TRIM14: variants seen among roughly 807,000 people sequenced by gnomAD.
TRIM14 encodes the protein tripartite motif containing 14, also known as tripartite motif-containing protein 14.
TRIM14 carries 28 observed loss-of-function variants against 44.5 expected under a neutral mutation model. The observed-to-expected ratio is 0.63, with a 90% CI of 0.47 to 0.86. The LOEUF (loss-of-function observed/expected upper bound fraction) is 0.86. Ranked by LOEUF, TRIM14 falls within the 40% of genes least tolerant of loss-of-function variation. The probability of loss-of-function intolerance (pLI) is 0.00; values close to 1 mark genes in which losing one functional copy is unlikely to be tolerated. For missense variants in TRIM14, 607 were observed against 611.1 expected, an observed-to-expected ratio of 0.99 and a Z score of 0.07; for synonymous variants, 299 against 269.2, an observed-to-expected ratio of 1.11 and a Z score of -1.08.
At chr9:98,056,709 G>A in the TRIM14 span, 3 of 1,471,276 alleles carry the variant, frequency 2.0e-6, no homozygotes, top group East Asian at 2.8e-5. Flanking sequence ...CGGGGCTGGC[G>A]TGTGGGTCTC....
chr9:98,080,780 G>A (rs756634854), downstream of TRIM14: 4 of 1,540,958 alleles, frequency 2.6e-6, no homozygotes, highest in African/African-American at 5.5e-5. Context: ...AAAGCAGCAT[G>A]ATATTTAATG....
chr9:98,054,174 A>G, the TRIM14 span, among the ~76,000 whole-genome samples: 3 of 152,126 alleles, frequency 2.0e-5, no homozygotes, highest in South Asian at 6.2e-4. Flanking sequence ...GACCATACTT[A>G]CAGAGGGTTT....
At chr9:98,062,468 T>C in the TRIM14 span, among the ~76,000 whole-genome samples, 704 of 152,262 alleles carry the variant, frequency 4.6e-3, 3 homozygotes, top group African/African-American at 0.016. Context: ...AAAAAAATTT[T>C]ACTTGTAAAA....
chr9:98,105,878 C>A (rs150272964), intron 2 of TRIM14, among the ~76,000 whole-genome samples: 55 of 152,304 alleles, frequency 3.6e-4, no homozygotes, highest in African/African-American at 1.2e-3. Flanking sequence ...CACCCCCGGG[C>A]CCAGGGAAAA....
the TRIM14 span, among the ~76,000 whole-genome samples, chr9:98,046,456 TC>T: frequency 2.9e-3 from 449 of 152,212 alleles, no homozygotes; most frequent in Non-Finnish European, 5.0e-3. Context: ...GTTTTTTTTT[TC>T]AGAGATGGAG....
the TRIM14 span, among the ~76,000 whole-genome samples, chr9:98,046,100 TTTTG>T: frequency 6.6e-6 from 1 of 152,110 alleles, no homozygotes; most frequent in African/African-American, 2.4e-5. Context: ...TCACAGGGAT[TTTTG>T]TTTTTCACCC....
chr9:98,103,117 G>A (rs921022455), intron 2 of TRIM14, among the ~76,000 whole-genome samples: 3 of 151,950 alleles, frequency 2.0e-5, no homozygotes, highest in South Asian at 2.1e-4. Context: ...CCCAGGAGGC[G>A]GAGGTTGCAG....
At chr9:98,092,425 G>A in intron 4 of TRIM14, 1 of 314,530 alleles carries the variant, frequency 3.2e-6, no homozygotes, top group South Asian at 2.5e-5. Context: ...TGCCTGGACA[G>A]CCCCCCCACA....
chr9:98,053,094 C>A, the TRIM14 span, among the ~76,000 whole-genome samples: 1 of 152,128 alleles, frequency 6.6e-6, no homozygotes, highest in Non-Finnish European at 1.5e-5. Context: ...AAATAACAAA[C>A]CAGAAAGGGC....
chr9:98,043,770 T>G, the TRIM14 span, among the ~76,000 whole-genome samples: 1 of 150,458 alleles, frequency 6.6e-6, no homozygotes, highest in South Asian at 2.1e-4. Context: ...TTTATCTCAG[T>G]AGAAAAGTAA....
downstream of TRIM14, among the ~76,000 whole-genome samples, chr9:98,082,483 G>A (rs113264274): frequency 8.1e-4 from 123 of 152,292 alleles, no homozygotes; most frequent in South Asian, 4.6e-3. Context: ...TATGTTCCAC[G>A]TACATTCTGT....
chr9:98,041,269 A>G, the TRIM14 span, among the ~76,000 whole-genome samples: 1 of 152,210 alleles, frequency 6.6e-6, no homozygotes, highest in African/African-American at 2.4e-5. Context: ...AGGAAAAAAA[A>G]AACTTAAGAA....
intron 2 of TRIM14, among the ~76,000 whole-genome samples, chr9:98,103,367 T>C (rs1826473956): frequency 6.6e-6 from 1 of 152,170 alleles, no homozygotes; most frequent in Non-Finnish European, 1.5e-5. Context: ...TGTATACATC[T>C]ATATATTTGC....
chr9:98,116,621 G>A (rs561461063), intron 1 of TRIM14, among the ~76,000 whole-genome samples: 1 of 151,796 alleles, frequency 6.6e-6, no homozygotes, highest in African/African-American at 2.4e-5. Context: ...AGGATCACTT[G>A]AGCCCAGGAA....
exon 7 of TRIM14, chr9:98,069,509 T>G (rs1433448878): frequency 1.3e-5 from 2 of 152,228 alleles, no homozygotes; most frequent in Non-Finnish European, 2.9e-5. Flanking sequence ...CCTGACCTTG[T>G]GATCCACCCA....
chr9:98,059,778 C>G, the TRIM14 span, among the ~76,000 whole-genome samples: 3 of 151,568 alleles, frequency 2.0e-5, no homozygotes, highest in East Asian at 5.8e-4. Context: ...ATTATTGCCT[C>G]TGCTCAGTAG....
At chr9:98,039,827 A>G in the TRIM14 span, among the ~76,000 whole-genome samples, 22 of 152,108 alleles carry the variant, frequency 1.4e-4, no homozygotes, top group Non-Finnish European at 2.4e-4. Flanking sequence ...TGCTCCCTGA[A>G]TGCTCAGGGA....
chr9:98,070,834 T>C lies in TRIM14; in HGVS notation c.*29-1147A>G, dbSNP rs1387788517. Among the ~76,000 whole-genome samples, 3 of 151,366 alleles carry C rather than the reference T, an allele frequency of 2.0e-5. No individual in the cohort carries two copies. The South Asian group carries it at 6.3e-4, about 32-fold the overall frequency. Reference sequence around the variant, plus strand: ...TTTTTTTTTTTTTTGAGACAGGGTCTCACTCTGTTGCCCAGGCTGGAGAGT... The same window carrying C: ...TTTTTTTTTTTTTTGAGACAGGGTCCCACTCTGTTGCCCAGGCTGGAGAGT... On this transcript the variant is annotated intron_variant, in intron 6 of 6. Transcript: ENST00000375098.
At chr9:98,074,938 T>G (rs1169733589) in intron 6 of TRIM14, 1 of 152,104 alleles carries the variant, frequency 6.6e-6, no homozygotes, top group East Asian at 1.9e-4. Flanking sequence ...TATTTAAAAC[T>G]GATGTTTTTT....
Sources: allele counts gnomAD v4.1 joint callset (sites outside exome capture counted in the v4.1 genomes callset), GRCh38; gene constraint gnomAD v4.1.1; transcripts MANE v1.5; gene names NCBI Gene and HGNC (gene_info 2026-07-23, HGNC 2026-07-21).